NCBP1: variants seen among roughly 807,000 people sequenced by gnomAD.
NCBP1 encodes nuclear cap binding protein subunit 1.
A neutral mutation model predicts 111.7 loss-of-function variants in NCBP1; 16 were observed. The ratio of observed to expected loss-of-function variants is 0.14; its 90% CI spans 0.10 to 0.22. The LOEUF (loss-of-function observed/expected upper bound fraction) is 0.22. Ranked by LOEUF, NCBP1 falls within the 10% of genes least tolerant of loss-of-function variation. The pLI is 1.00. For missense variants in NCBP1, 607 were observed against 957.5 expected (o/e 0.63, Z 4.83); for synonymous variants, 304 against 314.3 (o/e 0.97, Z 0.35).
At chr9:97,644,967 C>A in intron 4 of NCBP1, 150 bp from the exon 5 acceptor site, 1 of 481,818 alleles carries the variant, frequency 2.1e-6, no homozygotes, top group Non-Finnish European at 3.8e-6. Context: ...ATTTTTAGTT[C>A]CCAGCTATGC....
At chr9:97,655,954 A>G in intron 13 of NCBP1, 57 bp from the exon 14 acceptor site, 3 of 1,499,628 alleles carry the variant, frequency 2.0e-6, no homozygotes, top group Non-Finnish European at 1.8e-6. Flanking sequence ...TTATAGTACA[A>G]ATGGGTGTAA....
chr9:97,669,738 CT>C, intron 22 of NCBP1, 32 bp downstream of exon 22: 1 of 1,376,200 alleles, frequency 7.3e-7, no homozygotes, highest in Non-Finnish European at 1.0e-6. Flanking sequence ...GGTAATAACA[CT>C]ATTCTCAGCC....
In NCBP1 at chr9:97,649,684, T is replaced by C. The variant is rs10983109; in HGVS notation, c.898-819T>C. 7.6e-3 allele frequency among the ~76,000 whole-genome samples: 1,155 copies of C among 152,260 alleles called. 3 individuals are homozygous for C. The highest frequency in any genetic ancestry group is 0.014 in the Middle Eastern group (4 of 294). On this transcript the variant is annotated intron_variant, in intron 8 of 22. Transcript: ENST00000375147. Reference sequence around the variant, plus strand: ...AATTATGTAATGATCTACTTAGATATGTCTAACTGAAAATCTGGTTTACAT... The same window carrying C: ...AATTATGTAATGATCTACTTAGATACGTCTAACTGAAAATCTGGTTTACAT...
Position 97,671,191 on chromosome 9 carries a change from C to T in NCBP1, c.2365C>T (p.Gln789Ter), listed in dbSNP as rs764929932. ...LAVFQQFCAL[Q>*]A The stretch of plus-strand genomic sequence containing the variant: ...CGTGTTCCAGCAGTTCTGTGCCCTG[C>T]AGGCCTAAGGGTCATTTTTTCCTCA... The change falls in exon 23 of 23, where the codon CAG becomes TAG. Residue 789 changes from glutamine (Q) to a stop codon, truncating the protein, a stop_gained. Coordinates refer to ENST00000375147, the MANE Select transcript of NCBP1 (RefSeq NM_002486.5). LOFTEE classifies it high-confidence loss of function. 39 of 1,604,570 alleles carry T rather than the reference C, an allele frequency of 2.4e-5. No individual in the cohort carries two copies. The South Asian group carries it at 3.6e-4, about 15-fold the overall frequency.
intron 3 of NCBP1, among the ~76,000 whole-genome samples, chr9:97,642,858 A>G (rs1007294980): frequency 9.2e-5 from 14 of 152,066 alleles, no homozygotes; most frequent in Admixed American, 4.6e-4. Flanking sequence ...TTTCTGAGCT[A>G]TTTTACCATG....
At chr9:97,646,484 A>G (rs1438567044) in intron 6 of NCBP1, among the ~76,000 whole-genome samples, 1 of 151,970 alleles carries the variant, frequency 6.6e-6, no homozygotes, top group Non-Finnish European at 1.5e-5. Flanking sequence ...CTTTTTTTGG[A>G]TAACTGTTAA....
intron 4 of NCBP1, among the ~76,000 whole-genome samples, chr9:97,643,982 C>G (rs1033664549): frequency 6.6e-6 from 1 of 152,148 alleles, no homozygotes; most frequent in African/African-American, 2.4e-5. Context: ...TAGTTCCTTC[C>G]CATTGTCTAC....
intron 22 of NCBP1, among the ~76,000 whole-genome samples, chr9:97,670,263 A>G (rs1188312465): frequency 1.3e-5 from 2 of 152,178 alleles, no homozygotes; most frequent in East Asian, 3.9e-4. Context: ...TGTAATATAA[A>G]ATGTAGAGGA....
chr9:97,663,796 A>G (rs1224892062), intron 18 of NCBP1, among the ~76,000 whole-genome samples: 2 of 151,632 alleles, frequency 1.3e-5, no homozygotes, highest in African/African-American at 2.4e-5. Flanking sequence ...AGTTTTTTCA[A>G]ATTTTAACTG....
chr9:97,659,471 G>T (rs74758999), intron 15 of NCBP1, among the ~76,000 whole-genome samples: 2,133 of 152,268 alleles, frequency 0.014, 102 homozygotes, highest in East Asian at 0.13. Context: ...TCCTTGAAAT[G>T]AACTGTGTCG....
chr9:97,652,341 G>C (rs1054215769), intron 10 of NCBP1, among the ~76,000 whole-genome samples: 1 of 152,228 alleles, frequency 6.6e-6, no homozygotes, highest in Non-Finnish European at 1.5e-5. Context: ...TCATGGGCCA[G>C]GCTTAGTGGC....
At chr9:97,653,018 A>G (rs530766908) in intron 10 of NCBP1, among the ~76,000 whole-genome samples, 1 of 152,326 alleles carries the variant, frequency 6.6e-6, no homozygotes, top group South Asian at 2.1e-4. Flanking sequence ...AGGCATGGCA[A>G]AGAAGTCTTG....
intron 3 of NCBP1, among the ~76,000 whole-genome samples, chr9:97,642,084 T>C (rs576199135): frequency 1.3e-5 from 2 of 152,214 alleles, no homozygotes; most frequent in South Asian, 4.1e-4. Flanking sequence ...GCATACTCTC[T>C]GGATAAATGG....
intron 10 of NCBP1, among the ~76,000 whole-genome samples, chr9:97,653,413 G>A (rs928467250): frequency 2.6e-5 from 4 of 152,118 alleles, no homozygotes; most frequent in African/African-American, 9.7e-5. Flanking sequence ...GAGCCACTGC[G>A]CCCAGCCTAA....
chr9:97,647,466 A>G, intron 6 of NCBP1, 26 bp from the exon 7 acceptor site: 4 of 1,574,816 alleles, frequency 2.5e-6, no homozygotes, highest in Non-Finnish European at 3.5e-6. Flanking sequence ...AAAAGCCTAA[A>G]TGTAGATTTT....
chr9:97,669,596 T>C lies in NCBP1; in HGVS notation c.2149T>C (p.Phe717Leu). The C allele has an allele frequency of 6.2e-7, 1 of 1,602,344 alleles. No individual in the cohort carries two copies. Among genetic ancestry groups the C allele is most frequent in the Non-Finnish European group, 8.6e-7 (1 of 1,169,370 alleles). Reference sequence around the variant, plus strand: ...TTAACTTCTTCTCCCTTTCCAGCGGTTTATCATGATCTTGACCGAGCACCT... The same window carrying C: ...TTAACTTCTTCTCCCTTTCCAGCGGCTTATCATGATCTTGACCGAGCACCT... ...KNLFLVIFQR[F>L]IMILTEHLVR... is the part of the protein sequence containing the mutation. The change falls in exon 22 of 23, where the codon TTT becomes CTT. Residue 717 changes from phenylalanine (F) to leucine (L), a missense_variant. Physicochemically the swap from Phe to Leu is conservative, Grantham distance 22 (BLOSUM62 0). Coordinates refer to ENST00000375147, the MANE Select transcript of NCBP1 (RefSeq NM_002486.5).
chr9:97,654,780 AATC>A (rs1827600338), intron 11 of NCBP1, 97 bp from the exon 12 acceptor site: 1 of 1,029,552 alleles, frequency 9.7e-7, no homozygotes, highest in African/African-American at 1.6e-5. Context: ...CAGCATTATT[AATC>A]ATTATAAAGA....
In NCBP1 at chr9:97,636,555, T is replaced by C. The variant is rs1025898049; in HGVS notation, c.34+2640T>C. Among the ~76,000 whole-genome samples, 30 of 145,254 alleles carry C rather than the reference T, an allele frequency of 2.1e-4. No homozygotes were observed. In the South Asian group the frequency reaches 6.1e-3, roughly 30 times the overall value. On this transcript the variant is annotated intron_variant, in intron 1 of 22. Coordinates refer to ENST00000375147, the MANE Select transcript of NCBP1 (RefSeq NM_002486.5). ...TTATATAAGTTTGTTTATTATAAGT[T>C]TTATATAAATATATACTCTAATATA...
intron 9 of NCBP1, 96 bp from the exon 10 acceptor site, chr9:97,651,214 C>A: frequency 2.2e-6 from 2 of 906,126 alleles, no homozygotes; most frequent in African/African-American, 1.7e-5. Flanking sequence ...AAAGATTTTT[C>A]TTTGCTTATA....
Sources: allele counts gnomAD v4.1 joint callset (sites outside exome capture counted in the v4.1 genomes callset), GRCh38; gene constraint gnomAD v4.1.1; transcripts MANE v1.5; gene names NCBI Gene and HGNC (gene_info 2026-07-23, HGNC 2026-07-21).